LGSN: variants seen among roughly 807,000 people sequenced by gnomAD.
The protein encoded by LGSN is lengsin, lens protein with glutamine synthetase domain.
Under a neutral mutation model 19.5 loss-of-function variants are expected in LGSN, and 21 were observed. The ratio of observed to expected loss-of-function variants is 1.07; its 90% CI spans 0.76 to 1.55. LGSN has a LOEUF of 1.55. Among genes scored for constraint, LGSN ranks in the 40% most tolerant of loss-of-function variants. The pLI, the probability that LGSN is intolerant of heterozygous loss-of-function variation, is 0.00. For missense variants in LGSN, 673 were observed against 608.5 expected (o/e 1.11, Z -1.12); for synonymous variants, 257 against 215.6 (o/e 1.19, Z -1.68).
chr6:63,387,847 G>A, the LGSN span, among the ~76,000 whole-genome samples: 2,395 of 151,154 alleles, frequency 0.016, 73 homozygotes, highest in African/African-American at 0.055. Flanking sequence ...ACCACATCTC[G>A]CCTGGCTATT....
chr6:63,495,441 T>C, the LGSN span, among the ~76,000 whole-genome samples: 4 of 133,840 alleles, frequency 3.0e-5, no homozygotes, highest in African/African-American at 1.2e-4. Flanking sequence ...AAATCTTCTT[T>C]CTTTTTTTCT....
At chr6:63,399,069 A>C in the LGSN span, among the ~76,000 whole-genome samples, 1 of 152,032 alleles carries the variant, frequency 6.6e-6, no homozygotes, top group Admixed American at 6.5e-5. Context: ...GGACTCCCAA[A>C]GTGATGGGAT....
At chr6:63,424,431 T>A in the LGSN span, among the ~76,000 whole-genome samples, 3 of 152,098 alleles carry the variant, frequency 2.0e-5, no homozygotes, top group East Asian at 3.9e-4. Flanking sequence ...CTACACAATA[T>A]CTTCCAGAAA....
the LGSN span, among the ~76,000 whole-genome samples, chr6:63,351,405 G>A: frequency 6.6e-6 from 1 of 150,606 alleles, no homozygotes; most frequent in Non-Finnish European, 1.5e-5. Flanking sequence ...GTCTGTGTGT[G>A]TCTGTGTGTG....
rs1266604161 is a variant in LGSN, at chr6:63,285,284, G to A, written c.330+303C>T. On this transcript the variant is annotated intron_variant, in intron 3 of 3. Transcript: ENST00000370657. ...ATAAAATATAATCTTCATAATTGCA[G>A]TAAGGGAGAAAAAATAATTCTGTAG... Among the ~76,000 whole-genome samples the A allele has an allele frequency of 2.6e-5, 4 of 152,146 alleles. No individual in the cohort carries two copies. In the East Asian group the frequency reaches 7.7e-4, roughly 29 times the overall value.
At chr6:63,544,862 G>T in the LGSN span, among the ~76,000 whole-genome samples, 4 of 152,230 alleles carry the variant, frequency 2.6e-5, no homozygotes. Context: ...CTTGGTCATG[G>T]TGATGGCTAC....
At chr6:63,540,914 A>G in the LGSN span, among the ~76,000 whole-genome samples, 3 of 151,688 alleles carry the variant, frequency 2.0e-5, no homozygotes, top group East Asian at 5.8e-4. Context: ...GAGGTAGGAG[A>G]ATCACTAGAA....
the LGSN span, among the ~76,000 whole-genome samples, chr6:63,390,809 G>A: frequency 1.2e-4 from 17 of 143,976 alleles, no homozygotes; most frequent in Non-Finnish European, 2.1e-4. Flanking sequence ...GCAGTGAGCC[G>A]AGATCACGCC....
the LGSN span, among the ~76,000 whole-genome samples, chr6:63,494,324 A>T: frequency 0.047 from 7,198 of 152,238 alleles, 239 homozygotes; most frequent in Non-Finnish European, 0.069. Flanking sequence ...GCTTATCATT[A>T]TAAGTCTTAT....
At chr6:63,513,294 T>C in the LGSN span, among the ~76,000 whole-genome samples, 1 of 152,222 alleles carries the variant, frequency 6.6e-6, no homozygotes, top group East Asian at 1.9e-4. Flanking sequence ...CAGATTGCCA[T>C]GAAATCTCAT....
chr6:63,418,108 C>T, the LGSN span, among the ~76,000 whole-genome samples: 16 of 152,056 alleles, frequency 1.1e-4, no homozygotes, highest in African/African-American at 3.9e-4. Flanking sequence ...AGGCTAATTG[C>T]CTTTCCCATA....
chr6:63,442,552 T>C, the LGSN span, among the ~76,000 whole-genome samples: 5 of 151,760 alleles, frequency 3.3e-5, no homozygotes, highest in African/African-American at 1.2e-4. Flanking sequence ...AAGTCCCCAC[T>C]AGATTAGCTA....
the LGSN span, among the ~76,000 whole-genome samples, chr6:63,426,926 T>C: frequency 6.6e-6 from 1 of 152,190 alleles, no homozygotes; most frequent in Non-Finnish European, 1.5e-5. Context: ...ATGTGTCCTG[T>C]CTTTTCATCC....
chr6:63,483,530 T>A, the LGSN span, among the ~76,000 whole-genome samples: 3 of 151,996 alleles, frequency 2.0e-5, no homozygotes, highest in African/African-American at 7.2e-5. Context: ...CACGCCCGGC[T>A]AATTTTTTTG....
the LGSN span, among the ~76,000 whole-genome samples, chr6:63,546,188 G>A: frequency 6.6e-6 from 1 of 152,086 alleles, no homozygotes; most frequent in Non-Finnish European, 1.5e-5. Flanking sequence ...TACACACACA[G>A]GAATACAATT....
the LGSN span, among the ~76,000 whole-genome samples, chr6:63,359,066 C>T: frequency 1.1e-4 from 17 of 152,188 alleles, no homozygotes; most frequent in South Asian, 1.7e-3. Flanking sequence ...TTGTCAAAGG[C>T]CTTTTCTGCA....
intron 2 of LGSN, among the ~76,000 whole-genome samples, chr6:63,290,282 C>T (rs563143950): frequency 2.6e-5 from 4 of 152,190 alleles, no homozygotes; most frequent in African/African-American, 9.6e-5. Flanking sequence ...GTAATGGTAC[C>T]CATGCTGTAA....
chr6:63,518,193 C>G, the LGSN span, among the ~76,000 whole-genome samples: 19 of 151,480 alleles, frequency 1.3e-4, 1 homozygote, highest in African/African-American at 4.6e-4. Context: ...GGTTTCTAGA[C>G]TATCCCTTTA....
At chr6:63,499,567 G>C in the LGSN span, among the ~76,000 whole-genome samples, 1 of 152,048 alleles carries the variant, frequency 6.6e-6, no homozygotes, top group African/African-American at 2.4e-5. Context: ...TGTAGCATTT[G>C]AATAAGAGAT....
Sources: allele counts gnomAD v4.1 joint callset (sites outside exome capture counted in the v4.1 genomes callset), GRCh38; gene constraint gnomAD v4.1.1; transcripts MANE v1.5; gene names NCBI Gene and HGNC (gene_info 2026-07-23, HGNC 2026-07-21).